The following TMEM156 variants were observed in gnomAD, a reference collection of about 807,000 sequenced individuals.
TMEM156 encodes the protein transmembrane protein 156.
A neutral mutation model predicts 30.5 loss-of-function variants in TMEM156; 28 were observed. The ratio of observed to expected loss-of-function variants is 0.92; its 90% CI spans 0.68 to 1.26. The LOEUF (loss-of-function observed/expected upper bound fraction) is 1.26. Among genes scored for constraint, TMEM156 ranks in the 50% most tolerant of loss-of-function variants. TMEM156 has a pLI of 0.00. For synonymous variants in TMEM156, 137 were observed against 119.9 expected (o/e 1.14, Z -0.93); for missense variants, 351 against 340.6 (o/e 1.03, Z -0.24).
At chr4:38,997,220 C>T (rs1332403248) in intron 2 of TMEM156, among the ~76,000 whole-genome samples, 2 of 152,132 alleles carry the variant, frequency 1.3e-5, no homozygotes, top group African/African-American at 4.8e-5. Flanking sequence ...TTGCATTCAG[C>T]CCAGAACCTG....
At chr4:39,007,481 C>A (rs1419547605) in intron 1 of TMEM156, among the ~76,000 whole-genome samples, 1 of 151,900 alleles carries the variant, frequency 6.6e-6, no homozygotes, top group Admixed American at 6.6e-5. Flanking sequence ...GAAACAGAGT[C>A]TTGCTCTGTC....
At chr4:38,994,108 G>A (rs79269980) in intron 2 of TMEM156, 110 bp from the exon 3 acceptor site, 47,907 of 990,668 alleles carry the variant, frequency 0.048, 1,417 homozygotes, top group Middle Eastern at 0.064. Context: ...GTAGAAACAA[G>A]AAGTTTCCTA....
At chr4:39,016,535 A>G (rs894157774) in intron 1 of TMEM156, among the ~76,000 whole-genome samples, 1 of 152,128 alleles carries the variant, frequency 6.6e-6, no homozygotes, top group Admixed American at 6.5e-5. Flanking sequence ...TTTTAGGTAT[A>G]AGCATTTAAA....
At chr4:38,978,273 A>T (rs1248551106) in intron 5 of TMEM156, among the ~76,000 whole-genome samples, 1 of 152,074 alleles carries the variant, frequency 6.6e-6, no homozygotes, top group East Asian at 1.9e-4. Context: ...CTTTTAAAAA[A>T]ATACCAAGAA....
rs375624388 is a variant in TMEM156, at chr4:38,998,785, C to T, written c.213G>A (p.Met71Ile). 16 of 1,613,782 alleles carry T rather than the reference C, an allele frequency of 9.9e-6. No individual in the cohort carries two copies. The highest frequency in any genetic ancestry group is 1.7e-5 in the Admixed American group (1 of 59,978). Reference protein sequence around the residue: ...LQPVRETQIIMRIFLNPSNFR... With the variant: ...LQPVRETQIIIRIFLNPSNFR... ...AATTGGAGGGATTTAGAAAGATTCT[C>T]ATGATAATCTGAGTTTCCCTTACTG... Residue 71 changes from methionine to isoleucine, a missense_variant, in exon 2 of 7, where the codon ATG becomes ATA. By Grantham distance (10) the Met-to-Ile change is conservative. Coordinates refer to ENST00000381938, the MANE Select transcript of TMEM156 (RefSeq NM_024943.3).
chr4:38,994,110 A>T (rs1712752685), intron 2 of TMEM156, 112 bp from the exon 3 acceptor site: 2 of 934,374 alleles, frequency 2.1e-6, no homozygotes, highest in Non-Finnish European at 3.2e-6. Context: ...AGAAACAAGA[A>T]GTTTCCTACA....
At chr4:38,979,549 C>T (rs1394087890) in intron 5 of TMEM156, among the ~76,000 whole-genome samples, 9 of 152,202 alleles carry the variant, frequency 5.9e-5, no homozygotes, top group Non-Finnish European at 1.0e-4. Context: ...GGGGCATGCA[C>T]AGAATTTAGT....
chr4:39,010,170 C>T (rs184506983), intron 1 of TMEM156, among the ~76,000 whole-genome samples: 164 of 152,056 alleles, frequency 1.1e-3, no homozygotes, highest in African/African-American at 3.7e-3. Context: ...AAATAAAACA[C>T]CTAGGAATAC....
At chr4:38,982,245 G>A (rs914119554) in intron 5 of TMEM156, among the ~76,000 whole-genome samples, 6 of 152,124 alleles carry the variant, frequency 3.9e-5, no homozygotes, top group East Asian at 1.9e-4. Flanking sequence ...TTTGGGACTC[G>A]GACTGGCTTC....
chr4:38,972,722 G>A (rs370601115), intron 5 of TMEM156, among the ~76,000 whole-genome samples: 32 of 152,208 alleles, frequency 2.1e-4, no homozygotes, highest in African/African-American at 4.8e-4. Flanking sequence ...AGCGCCAGCC[G>A]TTTGTATTTC....
chr4:38,988,390 A>G (rs1712153613), intron 4 of TMEM156, among the ~76,000 whole-genome samples: 1 of 151,772 alleles, frequency 6.6e-6, no homozygotes, highest in African/African-American at 2.4e-5. Flanking sequence ...TGCCTGGCTA[A>G]TTTTTGTATT....
chr4:38,969,442 A>G (rs890902502), intron 6 of TMEM156, among the ~76,000 whole-genome samples: 2 of 152,090 alleles, frequency 1.3e-5, no homozygotes, highest in Non-Finnish European at 2.9e-5. Context: ...ATTTCATTGT[A>G]TATATGCACC....
At chr4:38,989,980 A>G (rs1455912021) in intron 3 of TMEM156, among the ~76,000 whole-genome samples, 1 of 152,072 alleles carries the variant, frequency 6.6e-6, no homozygotes. Flanking sequence ...TTTTTAGTAG[A>G]GATGGGGTTT....
intron 1 of TMEM156, among the ~76,000 whole-genome samples, chr4:39,014,162 T>C (rs768148829): frequency 3.9e-5 from 6 of 152,200 alleles, no homozygotes; most frequent in Non-Finnish European, 8.8e-5. Flanking sequence ...TAAAAGACCA[T>C]AGTTTACTGA....
chr4:39,013,036 C>T (rs1488661258), intron 1 of TMEM156, among the ~76,000 whole-genome samples: 1 of 151,816 alleles, frequency 6.6e-6, no homozygotes, highest in Admixed American at 6.6e-5. Flanking sequence ...TGGTGGCTTA[C>T]GCCTGTAATC....
chr4:39,013,335 G>T (rs1486600840), intron 1 of TMEM156, among the ~76,000 whole-genome samples: 1 of 148,460 alleles, frequency 6.7e-6, no homozygotes. Context: ...GAAAGAAAAA[G>T]AAAACAAAGA....
rs7698646 is a variant in TMEM156 at position 39,030,901 on chromosome 4, T to C, written c.88+1325A>G. On this transcript the variant is annotated intron_variant, in intron 1 of 6. Transcript: ENST00000381938. Reference sequence around the variant, plus strand: ...AATCAAGCACTGAAAATATGTGCTATGATTGCTTCATCTAAGTAACATAAT... The same window carrying C: ...AATCAAGCACTGAAAATATGTGCTACGATTGCTTCATCTAAGTAACATAAT... Among the ~76,000 whole-genome samples the C allele has an allele frequency of 4.6e-3, 701 of 152,396 alleles. 4 individuals are homozygous for C. The highest frequency in any genetic ancestry group is 7.2e-3 in the Non-Finnish European group (489 of 68,036).
At chr4:39,023,340 A>G (rs1431983226) in intron 1 of TMEM156, among the ~76,000 whole-genome samples, 1 of 152,230 alleles carries the variant, frequency 6.6e-6, no homozygotes, top group Non-Finnish European at 1.5e-5. Flanking sequence ...CTAGAGCATT[A>G]TTGAATAGAA....
intron 1 of TMEM156, among the ~76,000 whole-genome samples, chr4:39,010,790 G>C (rs1212113975): frequency 6.6e-6 from 1 of 152,058 alleles, no homozygotes; most frequent in Non-Finnish European, 1.5e-5. Flanking sequence ...CTAAATGTAA[G>C]ACCTCAAACT....
Sources: allele counts gnomAD v4.1 joint callset (sites outside exome capture counted in the v4.1 genomes callset), GRCh38; gene constraint gnomAD v4.1.1; transcripts MANE v1.5; gene names NCBI Gene and HGNC (gene_info 2026-07-23, HGNC 2026-07-21).